DZIP3: variants seen among roughly 807,000 people sequenced by gnomAD.
DZIP3 encodes DAZ interacting zinc finger protein 3.
Under a neutral mutation model 162.0 loss-of-function variants are expected in DZIP3, and 118 were observed. The observed-to-expected ratio is 0.73, with a 90% CI of 0.63 to 0.85. DZIP3 has a LOEUF of 0.85. DZIP3 is among the 40% of genes least tolerant of loss of function. The pLI, the probability that DZIP3 is intolerant of heterozygous loss-of-function variation, is 0.00. For missense variants in DZIP3, 1,331 were observed against 1,407.0 expected (o/e 0.95, Z 0.86); for synonymous variants, 438 against 458.6 (o/e 0.96, Z 0.57).
At chr3:108,639,504 CGTT>C (rs1253981116) in intron 12 of DZIP3, among the ~76,000 whole-genome samples, 1 of 152,138 alleles carries the variant, frequency 6.6e-6, no homozygotes, top group Non-Finnish European at 1.5e-5. Flanking sequence ...CAGTCAGAGA[CGTT>C]GTGGGAAAGA....
intron 28 of DZIP3, among the ~76,000 whole-genome samples, chr3:108,687,021 A>G (rs1458114164): frequency 6.6e-6 from 1 of 152,118 alleles, no homozygotes; most frequent in African/African-American, 2.4e-5. Flanking sequence ...TGGAGAACAC[A>G]CTAAAAATGC....
At position 108,596,800 on chromosome 3, in the gene DZIP3, C is replaced by G. The variant is rs181013549; in HGVS notation, c.-73+6961C>G. ...AATGAAAACAAAGTTTTCCTAACTT[C>G]ATGGGGCTTATATTCTAGTGGGGAC... is the stretch of plus-strand genomic sequence containing the variant. On this transcript the variant is annotated intron_variant, in intron 1 of 32. Transcript: ENST00000361582. 6.8e-4 allele frequency among the ~76,000 whole-genome samples: 103 copies of G among 152,288 alleles called. 2 individuals are homozygous for G. In the South Asian group the frequency reaches 0.012, roughly 17 times the overall value.
intron 26 of DZIP3, 43 bp from the exon 27 acceptor site, chr3:108,684,173 G>A: frequency 7.7e-7 from 1 of 1,291,658 alleles, no homozygotes; most frequent in Non-Finnish European, 1.0e-6. Flanking sequence ...ATAAATATGT[G>A]GGGGGGGGTG....
chr3:108,597,777 A>G (rs1939785388), intron 1 of DZIP3, among the ~76,000 whole-genome samples: 1 of 151,954 alleles, frequency 6.6e-6, no homozygotes, highest in Admixed American at 6.6e-5. Flanking sequence ...ACTTGCTTTT[A>G]TCTTATTCTT....
Position 108,644,356 on chromosome 3 carries a change from T to C in DZIP3, c.1334T>C (p.Leu445Ser). The C allele has an allele frequency of 1.9e-6, 3 of 1,614,120 alleles. No homozygotes were observed. In the South Asian group the frequency reaches 3.3e-5, roughly 18 times the overall value. ...YYNHLWTNHP[L>S]GGSWHLLYPP... ...AACCATCTTTGGACCAATCATCCTT[T>C]GGGTGGATCATGGCATCTGCTTTAT... The change falls in exon 14 of 33, where the codon TTG becomes TCG. Residue 445 changes from leucine (L) to serine (S), a missense_variant. Leu to Ser is a moderately radical substitution (Grantham distance 145). Around this residue, in one of 2 missense-constraint regions of DZIP3, gnomAD observed 1,278 missense variants for 1,317.1 expected, o/e 0.97. Coordinates refer to ENST00000361582, the MANE Select transcript of DZIP3 (RefSeq NM_014648.4).
intron 16 of DZIP3, 47 bp from the exon 17 acceptor site, chr3:108,648,871 T>TG: frequency 9.5e-7 from 1 of 1,050,076 alleles, no homozygotes. Flanking sequence ...AATAACCCAT[T>TG]GGGCAATTTG....
intron 19 of DZIP3, among the ~76,000 whole-genome samples, chr3:108,657,075 G>A (rs1040389094): frequency 2.0e-5 from 3 of 152,214 alleles, no homozygotes; most frequent in African/African-American, 7.2e-5. Flanking sequence ...ATATTATCCA[G>A]GAGAACTTCC....
chr3:108,644,772 T>C lies in DZIP3; in HGVS notation c.1750T>C (p.Tyr584His), dbSNP rs1331806184. 5 of 1,599,176 alleles carry C rather than the reference T, an allele frequency of 3.1e-6. No individual in the cohort carries two copies. The African/African-American group carries it at 5.3e-5, about 17-fold the overall frequency. Residue 584 changes from tyrosine (Y) to histidine (H), a missense_variant, in exon 14 of 33, where the codon TAT becomes CAT. Transcript: ENST00000361582. ...PEIIQRMLSC[Y>H]QQGIALQSIT... Reference sequence around the variant, plus strand: ...AATCATACAGAGGATGTTATCCTGCTATCAACAAGGTACTAAATGATTATT... The same window carrying C: ...AATCATACAGAGGATGTTATCCTGCCATCAACAAGGTACTAAATGATTATT...
chr3:108,654,842 A>C (rs1436557212), intron 19 of DZIP3, among the ~76,000 whole-genome samples: 1 of 152,178 alleles, frequency 6.6e-6, no homozygotes, highest in Non-Finnish European at 1.5e-5. Context: ...GCTCAACAGC[A>C]AATGAAATAA....
rs1266854136 is a variant in DZIP3 at position 108,611,273 on chromosome 3, G to A, written c.202G>A (p.Val68Met). 2.5e-6 allele frequency: 4 copies of A among 1,612,822 alleles called. No individual in the cohort carries two copies. Among genetic ancestry groups the A allele is most frequent in the Admixed American group, 1.7e-5 (1 of 59,760 alleles). Residue 68 changes from valine to methionine, a missense_variant, in exon 4 of 33, where the codon GTG (valine) becomes ATG (methionine). Val to Met is a conservative substitution (Grantham distance 21). This residue lies in a region of DZIP3 where 1,278 missense variants were observed against 1,317.1 expected (regional missense o/e 0.97). Coordinates refer to ENST00000361582, the MANE Select transcript of DZIP3 (RefSeq NM_014648.4). ...TGCAATTAATACTCTACCAAAAGGT[G>A]TGGTTCCTCACATTAAGAAGTTCTT... ...LNAINTLPKG[V>M]VPHIKKFLQE... is the part of the protein sequence containing the mutation.
intron 8 of DZIP3, among the ~76,000 whole-genome samples, chr3:108,630,194 A>C (rs1378755994): frequency 1.3e-5 from 2 of 151,982 alleles, no homozygotes; most frequent in Non-Finnish European, 2.9e-5. Context: ...CTGATAAACC[A>C]TTTGTGTCTT....
chr3:108,653,855 A>C (rs1451860221), intron 18 of DZIP3, among the ~76,000 whole-genome samples: 1 of 152,072 alleles, frequency 6.6e-6, no homozygotes, highest in Non-Finnish European at 1.5e-5. Context: ...TGATGTAACT[A>C]GTTATAATTT....
chr3:108,594,515 T>C (rs189787264), intron 1 of DZIP3, among the ~76,000 whole-genome samples: 296 of 148,530 alleles, frequency 2.0e-3, no homozygotes, highest in Admixed American at 2.7e-3. Flanking sequence ...TCATGGGAGT[T>C]TGTTGTACAG....
At chr3:108,629,928 T>C (rs377494562) in intron 8 of DZIP3, among the ~76,000 whole-genome samples, 5 of 152,010 alleles carry the variant, frequency 3.3e-5, no homozygotes, top group African/African-American at 9.7e-5. Context: ...AGTTCCCTGC[T>C]AAGTTTATTC....
chr3:108,642,428 C>T lies in DZIP3; in HGVS notation c.1065-10C>T. ...ATTTCCACTATAACTTAATTTTTTT[C>T]CTTTTGCAGTTATAGAAAGTTGATA... On this transcript the variant is annotated splice_polypyrimidine_tract_variant and intron_variant, in intron 12 of 32. Coordinates refer to ENST00000361582, the MANE Select transcript of DZIP3 (RefSeq NM_014648.4). 2 of 1,466,978 alleles carry T rather than the reference C, an allele frequency of 1.4e-6. No individual in the cohort carries two copies. Among genetic ancestry groups the T allele is most frequent in the Non-Finnish European group, 1.8e-6 (2 of 1,087,978 alleles). The allele number at this position is 1,466,978 out of a possible 1,614,324, so 90.9% of individuals were successfully genotyped here.
intron 5 of DZIP3, among the ~76,000 whole-genome samples, chr3:108,621,169 A>T (rs1404199149): frequency 2.0e-5 from 3 of 152,180 alleles, no homozygotes; most frequent in African/African-American, 4.8e-5. Context: ...AGTGTTCGTT[A>T]TATTATTATT....
At position 108,616,576 on chromosome 3, in the gene DZIP3, A is replaced by G; in HGVS notation, c.294A>G (p.Glu98=). 1.9e-6 allele frequency: 3 copies of G among 1,610,546 alleles called. No homozygotes were observed. The highest frequency in any genetic ancestry group is 1.7e-4 in the Middle Eastern group (1 of 6,054). ...CAGCTAACAGCCAGAATGGTGAGGAAATTGTTCCTGCTTTGACTTTACGTT... is the reference window on the plus strand; with the variant it reads ...CAGCTAACAGCCAGAATGGTGAGGAGATTGTTCCTGCTTTGACTTTACGTT... ...EVAANSQNGE[E]IVPALTLRFL... The change falls in exon 5 of 33, where the codon GAA becomes GAG. Residue 98 remains glutamate, a synonymous_variant. Coordinates refer to ENST00000361582, the MANE Select transcript of DZIP3 (RefSeq NM_014648.4).
At chr3:108,675,517 A>G (rs1178631636) in intron 24 of DZIP3, among the ~76,000 whole-genome samples, 1 of 152,050 alleles carries the variant, frequency 6.6e-6, no homozygotes, top group Non-Finnish European at 1.5e-5. Context: ...TATAATATAT[A>G]CTAAAAAGAC....
chr3:108,652,557 A>G (rs1445225464), intron 18 of DZIP3, among the ~76,000 whole-genome samples: 1 of 151,850 alleles, frequency 6.6e-6, no homozygotes, highest in Non-Finnish European at 1.5e-5. Context: ...TGTAGCTGTC[A>G]TAACATTGTA....
Sources: gnomAD v4.1 joint callset for allele counts (sites outside exome capture counted in the v4.1 genomes callset) on GRCh38, gnomAD v4.1.1 for gene constraint, gnomAD v4.1.1 regional missense constraint, MANE v1.5 for transcripts, NCBI Gene and HGNC (gene_info 2026-07-23, HGNC 2026-07-21) for gene names.